The following COL23A1 variants were observed in gnomAD, a reference collection of about 807,000 sequenced individuals.
COL23A1 encodes the protein collagen alpha-1(XXIII) chain.
COL23A1 carries 97 observed loss-of-function variants against 99.3 expected under a neutral mutation model. The observed-to-expected ratio is 0.98, with a 90% CI of 0.83 to 1.16. The LOEUF is 1.16. Among genes scored for constraint, COL23A1 ranks in the 50% most tolerant of loss-of-function variants. The pLI is 0.00. For missense variants in COL23A1, 762 were observed against 757.4 expected (o/e 1.01, Z -0.07); for synonymous variants, 320 against 308.2 (o/e 1.04, Z -0.40).
rs1391390196 is a variant in COL23A1 at position 178,428,958 on chromosome 5, A to G, written c.362-122039T>C. ...AGGCAGGCCCTCCGTGAGTGTCCTGAGACCCTACCACACCCCAGTGCTGCC... is the reference window on the plus strand; with the variant it reads ...AGGCAGGCCCTCCGTGAGTGTCCTGGGACCCTACCACACCCCAGTGCTGCC... On this transcript the variant is annotated intron_variant, in intron 2 of 28. Transcript: ENST00000390654. The surrounding 1 kb of genome is among the most constrained non-coding windows in gnomAD (Gnocchi z 5.0). 2.6e-5 allele frequency among the ~76,000 whole-genome samples: 4 copies of G among 151,994 alleles called. No homozygotes were observed. The highest frequency in any genetic ancestry group is 1.5e-5 in the Non-Finnish European group (1 of 68,008).
rs150944880 is a variant in COL23A1 at position 178,360,369 on chromosome 5, G to A, written c.362-53450C>T. Reference sequence around the variant, plus strand: ...GCAAAATCTTTTCCCAGCGGGGACAGGTCAATTTAAAGTGGCGGCAGCCCT... The same window carrying A: ...GCAAAATCTTTTCCCAGCGGGGACAAGTCAATTTAAAGTGGCGGCAGCCCT... On this transcript the variant is annotated intron_variant, in intron 2 of 28. Coordinates refer to ENST00000390654, the MANE Select transcript of COL23A1 (RefSeq NM_173465.4). 6.0e-3 allele frequency among the ~76,000 whole-genome samples: 920 copies of A among 152,352 alleles called. 7 individuals carry two copies. Among genetic ancestry groups the A allele is most frequent in the Middle Eastern group, 0.014 (4 of 294 alleles).
At chr5:178,525,657 GCGCGCAGACCCCAGGACCCGAAGGC>G (rs1760259649) in intron 2 of COL23A1, among the ~76,000 whole-genome samples, 1 of 65,904 alleles carries the variant, frequency 1.5e-5, no homozygotes, top group East Asian at 9.1e-4. Flanking sequence ...TGGCGACACA[GCGCGCAGACCCCAGGACCCGAAGGC>G]TAAGCTCACA....
At chr5:178,495,291 A>G (rs970845860) in intron 2 of COL23A1, among the ~76,000 whole-genome samples, 1 of 152,196 alleles carries the variant, frequency 6.6e-6, no homozygotes, top group African/African-American at 2.4e-5. Flanking sequence ...ATGAACTGTA[A>G]TTCAGAGAGG....
In COL23A1 at chr5:178,290,380, C is replaced by T. The variant is rs751956668; in HGVS notation, c.407-11G>A. 1.1e-5 allele frequency: 17 copies of T among 1,613,512 alleles called. No individual in the cohort carries two copies. In the Admixed American group the frequency reaches 2.5e-4, roughly 24 times the overall value. On this transcript the variant is annotated splice_polypyrimidine_tract_variant and intron_variant, in intron 3 of 28. Coordinates refer to ENST00000390654, the MANE Select transcript of COL23A1 (RefSeq NM_173465.4). ...CACTTACTGGAGGACCTGCAAAACA[C>T]AAGCAGAGAAGCCACAGTCAGTGTG...
intron 2 of COL23A1, among the ~76,000 whole-genome samples, chr5:178,550,369 G>A (rs554530711): frequency 6.6e-5 from 10 of 152,088 alleles, no homozygotes; most frequent in Non-Finnish European, 1.5e-4. Context: ...GGGCTTTGTA[G>A]GACACTCAAC....
rs1032423084 is a variant in COL23A1 at position 178,284,382 on chromosome 5, T to G, written c.441+3942A>C. ...TACATATATGTATATATTTTAAAAC[T>G]TATATTGGCATAGCTTTAAAAGTGT... On this transcript the variant is annotated intron_variant, in intron 5 of 28. Transcript: ENST00000390654. Among the ~76,000 whole-genome samples, 5 of 152,242 alleles carry G rather than the reference T, an allele frequency of 3.3e-5. No homozygotes were observed. The East Asian group carries it at 9.6e-4, about 29-fold the overall frequency.
intron 2 of COL23A1, among the ~76,000 whole-genome samples, chr5:178,411,912 T>C (rs1013081983): frequency 2.0e-5 from 3 of 152,244 alleles, no homozygotes; most frequent in African/African-American, 7.2e-5. Flanking sequence ...TGTGTGGAAA[T>C]AGAAACTTGT....
At chr5:178,321,229 AC>A (rs1418699261) in intron 2 of COL23A1, among the ~76,000 whole-genome samples, 1 of 152,220 alleles carries the variant, frequency 6.6e-6, no homozygotes, top group Non-Finnish European at 1.5e-5. Flanking sequence ...GGCCACCAGC[AC>A]CATCCCTCTC....
At chr5:178,294,051 G>C (rs1337579927) in intron 3 of COL23A1, among the ~76,000 whole-genome samples, 1 of 152,016 alleles carries the variant, frequency 6.6e-6, no homozygotes, top group African/African-American at 2.4e-5. Flanking sequence ...GGTGCACGTG[G>C]GATCAGAGAT....
intron 2 of COL23A1, among the ~76,000 whole-genome samples, chr5:178,461,559 T>C (rs1179605434): frequency 1.3e-5 from 2 of 152,134 alleles, no homozygotes; most frequent in Non-Finnish European, 2.9e-5. Context: ...TGGGAATGCT[T>C]TGAGGGTATT....
intron 2 of COL23A1, among the ~76,000 whole-genome samples, chr5:178,424,429 T>C (rs1765796588): frequency 6.6e-6 from 1 of 152,230 alleles, no homozygotes; most frequent in Non-Finnish European, 1.5e-5. Flanking sequence ...GAAAACCCTT[T>C]GATCCAGGGC....
In COL23A1 at chr5:178,544,090, G is replaced by T. The variant is rs1265870291; in HGVS notation, c.361+16592C>A. Among the ~76,000 whole-genome samples the T allele has an allele frequency of 1.3e-5, 2 of 152,092 alleles. No homozygotes were observed. The highest frequency in any genetic ancestry group is 3.9e-4 in the East Asian group (2 of 5,160). On this transcript the variant is annotated intron_variant, in intron 2 of 28. Coordinates refer to ENST00000390654, the MANE Select transcript of COL23A1 (RefSeq NM_173465.4). The surrounding 1 kb of genome is among the most constrained non-coding windows in gnomAD (Gnocchi z 4.4). The stretch of plus-strand genomic sequence containing the variant: ...ATTAGGATTTCAACATATGACTTTG[G>T]GACACAAGATTCAGTCCACAGCATA...
At chr5:178,288,582 C>T (rs758720857) in intron 4 of COL23A1, 11 of 612,030 alleles carry the variant, frequency 1.8e-5, no homozygotes, top group Non-Finnish European at 3.3e-5. Flanking sequence ...ATCGGGGCTC[C>T]GGGCACAGTC....
At chr5:178,546,052 G>A (rs979715760) in intron 2 of COL23A1, among the ~76,000 whole-genome samples, 4 of 151,958 alleles carry the variant, frequency 2.6e-5, no homozygotes, top group African/African-American at 9.7e-5. Flanking sequence ...ATTCCAAGGA[G>A]CCGGGAGGCT....
chr5:178,459,542 A>C (rs1257393320), intron 2 of COL23A1, among the ~76,000 whole-genome samples: 1 of 152,192 alleles, frequency 6.6e-6, no homozygotes, highest in African/African-American at 2.4e-5. Flanking sequence ...CAGGTGGATC[A>C]CCTGAGGTCA....
intron 4 of COL23A1, 131 bp from the exon 5 acceptor site, chr5:178,288,481 A>T: frequency 1.2e-6 from 1 of 804,532 alleles, no homozygotes; most frequent in Non-Finnish European, 2.2e-6. Flanking sequence ...CTGCAGCGGG[A>T]GGACTCAAGG....
At chr5:178,286,830 G>A (rs1299734042) in intron 5 of COL23A1, among the ~76,000 whole-genome samples, 2 of 152,190 alleles carry the variant, frequency 1.3e-5, no homozygotes, top group African/African-American at 4.8e-5. Flanking sequence ...GAGGCTGGTG[G>A]GGAACGGACC....
intron 2 of COL23A1, among the ~76,000 whole-genome samples, chr5:178,472,872 C>T (rs1756830467): frequency 6.6e-6 from 1 of 152,122 alleles, no homozygotes; most frequent in Non-Finnish European, 1.5e-5. Context: ...TGTCTGTAAT[C>T]CCAACACTTT....
chr5:178,295,305 T>A (rs1192072970), intron 3 of COL23A1, among the ~76,000 whole-genome samples: 1 of 152,168 alleles, frequency 6.6e-6, no homozygotes, highest in East Asian at 1.9e-4. Flanking sequence ...AGAAACAAGA[T>A]ATCCAAAGAT....
Sources: gnomAD v4.1 joint callset for allele counts (sites outside exome capture counted in the v4.1 genomes callset) on GRCh38, gnomAD v4.1.1 for gene constraint, Gnocchi (gnomAD v3.1) non-coding constraint, MANE v1.5 for transcripts, NCBI Gene and HGNC (gene_info 2026-07-23, HGNC 2026-07-21) for gene names.